Variants in EDNRA observed in about 807,000 individuals in gnomAD.
EDNRA encodes the protein endothelin receptor type A, also known as endothelin-1 receptor.
EDNRA carries 11 observed loss-of-function variants against 41.4 expected under a neutral mutation model. That is an observed-to-expected ratio of 0.27 (90% CI 0.17 to 0.44). The LOEUF (loss-of-function observed/expected upper bound fraction) is 0.44. Among genes scored for constraint, EDNRA ranks in the 20% least tolerant of loss-of-function variants. The pLI is 1.00. For missense variants in EDNRA, 294 were observed against 531.0 expected (o/e 0.55, Z 4.39); for synonymous variants, 172 against 183.0 (o/e 0.94, Z 0.49).
intron 3 of EDNRA, 36 bp from the exon 4 acceptor site, chr4:147,532,470 T>G: frequency 6.3e-7 from 1 of 1,599,214 alleles, no homozygotes; most frequent in East Asian, 2.2e-5. Flanking sequence ...CATTTAAAAT[T>G]TCCTAACAAC....
chr4:147,506,629 G>A, intron 2 of EDNRA: 1 of 311,098 alleles, frequency 3.2e-6, no homozygotes, highest in African/African-American at 2.3e-5. Context: ...AGGACTTGGT[G>A]GACATCACAA....
At chr4:147,523,400 C>G (rs1730394406) in intron 3 of EDNRA, among the ~76,000 whole-genome samples, 1 of 151,778 alleles carries the variant, frequency 6.6e-6, no homozygotes, top group African/African-American at 2.4e-5. Context: ...TGATGCTATA[C>G]TAGAGTGTGC....
At chr4:147,484,617 G>A (rs990033967) in intron 1 of EDNRA, among the ~76,000 whole-genome samples, 2 of 152,156 alleles carry the variant, frequency 1.3e-5, no homozygotes, top group African/African-American at 2.4e-5. Context: ...ACAGTGACTG[G>A]CATAAAATAA....
chr4:147,532,126 C>A (rs1344035717), intron 3 of EDNRA, among the ~76,000 whole-genome samples: 1 of 143,288 alleles, frequency 7.0e-6, no homozygotes, highest in Non-Finnish European at 1.5e-5. Flanking sequence ...TCCTGGCTAG[C>A]ACGGTGAAAC....
intron 2 of EDNRA, among the ~76,000 whole-genome samples, chr4:147,499,449 C>G (rs11938973): frequency 6.6e-6 from 1 of 152,186 alleles, no homozygotes; most frequent in African/African-American, 2.4e-5. Flanking sequence ...AGGCTTATTC[C>G]TAAGCTGACA....
intron 3 of EDNRA, among the ~76,000 whole-genome samples, chr4:147,531,392 C>G (rs1334099885): frequency 6.6e-6 from 1 of 152,212 alleles, no homozygotes; most frequent in Non-Finnish European, 1.5e-5. Flanking sequence ...TACAAGCCCA[C>G]TGTGCTCACA....
chr4:147,507,934 T>G (rs1015890503), intron 2 of EDNRA, among the ~76,000 whole-genome samples: 6 of 152,244 alleles, frequency 3.9e-5, no homozygotes, highest in Non-Finnish European at 8.8e-5. Context: ...CCTTACCTAC[T>G]TATGTATCTG....
At chr4:147,502,113 T>A (rs140551696) in intron 2 of EDNRA, among the ~76,000 whole-genome samples, 1 of 152,134 alleles carries the variant, frequency 6.6e-6, no homozygotes, top group Non-Finnish European at 1.5e-5. Context: ...TATAAAAAAA[T>A]GGTGAAAAAA....
intron 2 of EDNRA, among the ~76,000 whole-genome samples, chr4:147,503,158 G>A (rs752488391): frequency 3.3e-5 from 5 of 151,924 alleles, no homozygotes; most frequent in African/African-American, 7.3e-5. Context: ...TTTCAGATAC[G>A]TTTTAAAATT....
At chr4:147,527,276 G>A (rs1730586354) in intron 3 of EDNRA, among the ~76,000 whole-genome samples, 1 of 152,006 alleles carries the variant, frequency 6.6e-6, no homozygotes, top group Non-Finnish European at 1.5e-5. Flanking sequence ...AAAATTATGT[G>A]TACAAACAAG....
chr4:147,513,138 C>T (rs1268283247), intron 2 of EDNRA, among the ~76,000 whole-genome samples: 1 of 152,136 alleles, frequency 6.6e-6, no homozygotes, highest in Non-Finnish European at 1.5e-5. Context: ...AGCTTCAGGG[C>T]CCACGCTCTG....
At chr4:147,515,584 A>G (rs1344074303) in intron 2 of EDNRA, among the ~76,000 whole-genome samples, 1 of 152,180 alleles carries the variant, frequency 6.6e-6, no homozygotes, top group Non-Finnish European at 1.5e-5. Flanking sequence ...CTGGGTGTAG[A>G]GTGAGAATCA....
chr4:147,497,673 A>G (rs891642017), intron 2 of EDNRA, among the ~76,000 whole-genome samples: 7 of 151,734 alleles, frequency 4.6e-5, no homozygotes, highest in South Asian at 2.1e-4. Context: ...CCAGGTTCAC[A>G]CCATTCTCCT....
chr4:147,501,820 T>C (rs1241461159), intron 2 of EDNRA, among the ~76,000 whole-genome samples: 1 of 152,216 alleles, frequency 6.6e-6, no homozygotes, highest in Non-Finnish European at 1.5e-5. Flanking sequence ...ATTGTAACCA[T>C]ATGCATGTCA....
At chr4:147,532,148 TAAAAAAAAA>T (rs61086622) in intron 3 of EDNRA, among the ~76,000 whole-genome samples, 1 of 114,646 alleles carries the variant, frequency 8.7e-6, no homozygotes, top group South Asian at 2.8e-4. Context: ...CCGTCTCTAC[TAAAAAAAAA>T]AAAAAAAAAA....
chr4:147,518,760 A>T (rs1251526221), intron 2 of EDNRA, among the ~76,000 whole-genome samples: 3 of 152,178 alleles, frequency 2.0e-5, no homozygotes, highest in Non-Finnish European at 2.9e-5. Context: ...CAAAAAAAAA[A>T]GAAAAAGGAG....
intron 1 of EDNRA, 133 bp from the exon 2 acceptor site, chr4:147,485,478 TA>T: frequency 1.5e-6 from 1 of 660,148 alleles, no homozygotes; most frequent in Non-Finnish European, 2.5e-6. Context: ...TGTCATAGGG[TA>T]ACCTGATATA....
intron 5 of EDNRA, among the ~76,000 whole-genome samples, chr4:147,537,562 ATAGT>A (rs1165763585): frequency 6.6e-6 from 1 of 151,910 alleles, no homozygotes. Flanking sequence ...AAATAATTAA[ATAGT>A]TAATTATTTA....
At chr4:147,500,705 T>C in intron 2 of EDNRA, among the ~76,000 whole-genome samples, 1 of 150,824 alleles carries the variant, frequency 6.6e-6, no homozygotes, top group Admixed American at 6.6e-5. Flanking sequence ...AAAAAAAATG[T>C]TGGGAGGAAA....
Sources: allele counts gnomAD v4.1 joint callset (sites outside exome capture counted in the v4.1 genomes callset), GRCh38; gene constraint gnomAD v4.1.1; transcripts MANE v1.5; gene names NCBI Gene and HGNC (gene_info 2026-07-23, HGNC 2026-07-21).